The following PLEKHG5 variants were observed in gnomAD, a reference collection of about 807,000 sequenced individuals.
PLEKHG5 encodes pleckstrin homology domain-containing family G member 5.
In PLEKHG5, 52 loss-of-function variants were observed where a neutral mutation model predicts 103.8. The ratio of observed to expected loss-of-function variants is 0.50; its 90% CI spans 0.40 to 0.63. The LOEUF (loss-of-function observed/expected upper bound fraction) is 0.63. Among genes scored for constraint, PLEKHG5 ranks in the 30% least tolerant of loss-of-function variants. PLEKHG5 has a pLI of 0.00. For synonymous variants in PLEKHG5, 592 were observed against 575.5 expected, an observed-to-expected ratio of 1.03 and a Z score of -0.41; for missense variants, 1,205 against 1,347.6, an observed-to-expected ratio of 0.89 and a Z score of 1.66.
At chr1:6,474,966 C>T (rs1008038427) in intron 5 of PLEKHG5, 81 bp downstream of exon 5, 1 of 888,112 alleles carries the variant, frequency 1.1e-6, no homozygotes, top group Non-Finnish European at 1.9e-6. Context: ...ACACGTCACA[C>T]CTGCAGAGAC....
rs1182514431 is a variant in PLEKHG5 at position 6,490,514 on chromosome 1, C to A, written c.-88+1123G>T. ...AGGCTCGGGCCGAGACTGCCAAAGC[C>A]TCATGGGGCGCGCGGGGAGAGGGGG... On this transcript the variant is annotated intron_variant, in intron 1 of 20. Transcript: ENST00000377728. This position sits in a 1 kb window ranked among gnomAD's most constrained non-coding sequence, Gnocchi z 8.0. The A allele has an allele frequency of 1.0e-6, 1 of 985,400 alleles. No homozygotes were observed. The highest frequency in any genetic ancestry group is 1.1e-4 in the East Asian group (1 of 8,824). The allele number at this position is 985,400 out of a possible 1,614,324, so 61.0% of individuals were successfully genotyped here. A position where few individuals can be genotyped will look rare whatever the true frequency, so the allele number is the denominator to read the frequency against.
At position 6,467,443 on chromosome 1, in the gene PLEKHG5, C is replaced by T. The variant is rs969670994; in HGVS notation, c.*120G>A. 1.3e-5 allele frequency: 14 copies of T among 1,056,080 alleles called. No homozygotes were observed. Among genetic ancestry groups the T allele is most frequent in the Non-Finnish European group, 2.1e-5 (14 of 673,974 alleles). The allele number at this position is 1,056,080 out of a possible 1,614,324, so 65.4% of individuals were successfully genotyped here. A position where few individuals can be genotyped will look rare whatever the true frequency, so the allele number is the denominator to read the frequency against. On this transcript the variant is annotated 3_prime_UTR_variant, in exon 21 of 21. Coordinates refer to ENST00000377728, the MANE Select transcript of PLEKHG5 (RefSeq NM_020631.6). ...TCGGGCCCGGGCGTAGGCAGGGATC[C>T]TGCCCAGCATCCGGCTCATGCATAC...
chr1:6,476,392 C>G (rs1458518573), intron 2 of PLEKHG5, among the ~76,000 whole-genome samples: 1 of 152,136 alleles, frequency 6.6e-6, no homozygotes, highest in Non-Finnish European at 1.5e-5. Context: ...AGGGTTTCAA[C>G]ATGTTGGCCA....
At chr1:6,499,196 T>C (rs1645268534), upstream of PLEKHG5, among the ~76,000 whole-genome samples, 1 of 152,186 alleles carries the variant, frequency 6.6e-6, no homozygotes, top group South Asian at 2.1e-4. Context: ...TGTAGCCCCG[T>C]ATTCTGAAGG....
rs769618589 is a variant in PLEKHG5, at chr1:6,467,946, C to T, written c.2890G>A (p.Ala964Thr). The T allele has an allele frequency of 6.3e-7, 1 of 1,574,840 alleles. No individual in the cohort carries two copies. Among genetic ancestry groups the T allele is most frequent in the Non-Finnish European group, 8.6e-7 (1 of 1,161,814 alleles). Reference protein sequence around the residue: ...RKRCGDLPSGASPRVQPEPPP... With the variant: ...RKRCGDLPSGTSPRVQPEPPP... ...GGCTCAGGCTGGACCCTGGGAGAGG[C>T]CCCCGAGGGCAGGTCTCCACACCTC... The change falls in exon 20 of 21, where the codon GCC becomes ACC. Residue 964 changes from alanine (A) to threonine (T), a missense_variant. Coordinates refer to ENST00000377728, the MANE Select transcript of PLEKHG5 (RefSeq NM_020631.6).
rs139188442 is a variant in PLEKHG5 at position 6,469,553 on chromosome 1, G to A, written c.1924C>T (p.Arg642Trp). 51 of 1,613,824 alleles carry A rather than the reference G, an allele frequency of 3.2e-5. No homozygotes were observed. The highest frequency in any genetic ancestry group is 2.6e-4 in the South Asian group (24 of 91,078). Residue 642 changes from arginine (R) to tryptophan (W), a missense_variant, in exon 17 of 21, where the codon CGG (arginine) becomes TGG (tryptophan). By Grantham distance (101) the Arg-to-Trp change is moderately radical. Transcript: ENST00000377728. ...GACCAGGGCTCCTTACCAGGGTCCC[G>A]TAGCTCCCGGCACACAATCTTGTCC... The part of the protein sequence containing the change: ...LVDKIVCREL[R>W]DPGSFLLIYL...
intron 1 of PLEKHG5, among the ~76,000 whole-genome samples, chr1:6,506,836 T>G (rs887170807): frequency 6.6e-6 from 1 of 152,110 alleles, no homozygotes; most frequent in Non-Finnish European, 1.5e-5. Flanking sequence ...TGGGCTCCCT[T>G]TCGGGGCTGG....
In PLEKHG5 at chr1:6,471,603, T is replaced by A. The variant is rs1361465081; in HGVS notation, c.1166A>T (p.Glu389Val). 2 of 1,595,296 alleles carry A rather than the reference T, an allele frequency of 1.3e-6. No homozygotes were observed. Among genetic ancestry groups the A allele is most frequent in the Non-Finnish European group, 1.7e-6 (2 of 1,171,998 alleles). ...CAGCCTGCGGTGCAGCTGCGCGATC[T>A]CCGGGATGTTGCTGAACAGGCGCTC... is the stretch of plus-strand genomic sequence containing the variant. ...EAERLFSNIP[E>V]IAQLHRRLWA... Residue 389 changes from glutamate to valine, a missense_variant, in exon 12 of 21, where the codon GAG (glutamate) becomes GTG (valine). Coordinates refer to ENST00000377728, the MANE Select transcript of PLEKHG5 (RefSeq NM_020631.6).
chr1:6,517,971 C>T (rs886181291), intron 1 of PLEKHG5, among the ~76,000 whole-genome samples: 5 of 152,060 alleles, frequency 3.3e-5, no homozygotes, highest in East Asian at 1.9e-4. Context: ...CTCGCTCTGT[C>T]GCCCAGGCTG....
At chr1:6,511,772 C>G (rs568551709) in intron 1 of PLEKHG5, among the ~76,000 whole-genome samples, 3 of 152,282 alleles carry the variant, frequency 2.0e-5, no homozygotes, top group East Asian at 1.9e-4. Flanking sequence ...GCAGCCCCCC[C>G]AGAGAGGCTG....
At chr1:6,494,818 G>T (rs1053578825), upstream of PLEKHG5, among the ~76,000 whole-genome samples, 3 of 152,308 alleles carry the variant, frequency 2.0e-5, no homozygotes, top group East Asian at 5.8e-4. Flanking sequence ...CCCAAAGGGC[G>T]TCCCAGTAGT....
rs887770274 is a variant in PLEKHG5, at chr1:6,467,994, C to T, written c.2842G>A (p.Glu948Lys). The part of the protein sequence containing the change: ...GPGLVGCLAG[E>K]PAGSHRKRCG... ...CTCTTCCTGTGGGAGCCTGCAGGTTCCCCGGCCAGGCAGCCGACTAGCCCA... is the reference window on the plus strand; with the variant it reads ...CTCTTCCTGTGGGAGCCTGCAGGTTTCCCGGCCAGGCAGCCGACTAGCCCA... The change falls in exon 20 of 21, where the codon GAA becomes AAA. Residue 948 changes from glutamate to lysine, a missense_variant. Coordinates refer to ENST00000377728, the MANE Select transcript of PLEKHG5 (RefSeq NM_020631.6). 6 of 1,554,064 alleles carry T rather than the reference C, an allele frequency of 3.9e-6. No individual in the cohort carries two copies. The African/African-American group carries it at 5.4e-5, about 14-fold the overall frequency.
At chr1:6,517,445 A>G (rs1638657066) in intron 1 of PLEKHG5, among the ~76,000 whole-genome samples, 1 of 152,122 alleles carries the variant, frequency 6.6e-6, no homozygotes, top group Non-Finnish European at 1.5e-5. Context: ...CCTGGACGCA[A>G]TCTCCCTTCA....
At chr1:6,502,162 G>A (rs887042550) in intron 1 of PLEKHG5, among the ~76,000 whole-genome samples, 14 of 152,250 alleles carry the variant, frequency 9.2e-5, no homozygotes, top group Non-Finnish European at 1.5e-4. Flanking sequence ...CTGGCCAAAC[G>A]CCAGAGGGGC....
chr1:6,474,232 T>C (rs1393622018), intron 6 of PLEKHG5, 68 bp from the exon 7 acceptor site: 11 of 1,566,448 alleles, frequency 7.0e-6, no homozygotes, highest in Non-Finnish European at 8.7e-7. Context: ...CCCGGTCCTC[T>C]CTCCCCGGAG....
upstream of PLEKHG5, among the ~76,000 whole-genome samples, chr1:6,499,289 C>T (rs1029480599): frequency 7.9e-5 from 12 of 152,220 alleles, no homozygotes; most frequent in African/African-American, 1.9e-4. Context: ...CAGCCACCAT[C>T]GGGCCTGACT....
chr1:6,497,200 C>G, upstream of PLEKHG5: 1 of 868,158 alleles, frequency 1.2e-6, no homozygotes, highest in South Asian at 1.4e-5. This position sits in a 1 kb window ranked among gnomAD's most constrained non-coding sequence, Gnocchi z 6.1. Context: ...TACGAGCGGC[C>G]CGAAGCCCGG....
chr1:6,504,284 AC>A (rs1638237992), intron 1 of PLEKHG5, among the ~76,000 whole-genome samples: 1 of 150,960 alleles, frequency 6.6e-6, no homozygotes, highest in Non-Finnish European at 1.5e-5. Context: ...ACTCCTCCTC[AC>A]CCCACCCCCA....
intron 1 of PLEKHG5, among the ~76,000 whole-genome samples, chr1:6,514,051 G>A (rs953014907): frequency 8.5e-5 from 13 of 152,240 alleles, no homozygotes; most frequent in Non-Finnish European, 5.9e-5. Flanking sequence ...GGACAGGTAT[G>A]GAGGTTCACG....
Sources: gnomAD v4.1 joint callset for allele counts (sites outside exome capture counted in the v4.1 genomes callset) on GRCh38, gnomAD v4.1.1 for gene constraint, Gnocchi (gnomAD v3.1) non-coding constraint, MANE v1.5 for transcripts, NCBI Gene and HGNC (gene_info 2026-07-23, HGNC 2026-07-21) for gene names.